ANO10: variants seen among roughly 807,000 people sequenced by gnomAD.
ANO10 encodes the protein anoctamin-10.
Under a neutral mutation model 74.7 loss-of-function variants are expected in ANO10, and 77 were observed. The observed-to-expected ratio is 1.03, with a 90% CI of 0.86 to 1.25. ANO10 has a LOEUF of 1.25. Ranked by LOEUF, ANO10 falls within the 50% of genes most tolerant of loss-of-function variation. The pLI is 0.00. For synonymous variants in ANO10, 279 were observed against 284.9 expected (o/e 0.98, Z 0.21); for missense variants, 721 against 778.1 (o/e 0.93, Z 0.87).
At chr3:43,669,029 T>C (rs913546539) in intron 1 of ANO10, among the ~76,000 whole-genome samples, 12 of 152,170 alleles carry the variant, frequency 7.9e-5, no homozygotes, top group African/African-American at 2.7e-4. Flanking sequence ...AAGTGTTCTA[T>C]AGTCCTATGA....
At chr3:43,509,921 G>A (rs2077446878) in intron 11 of ANO10, among the ~76,000 whole-genome samples, 3 of 152,138 alleles carry the variant, frequency 2.0e-5, no homozygotes, top group Admixed American at 2.0e-4. Flanking sequence ...CCAGGGAACT[G>A]TGCTGAAGGA....
At chr3:43,540,907 T>G (rs766989626) in intron 11 of ANO10, among the ~76,000 whole-genome samples, 1 of 152,228 alleles carries the variant, frequency 6.6e-6, no homozygotes, top group Non-Finnish European at 1.5e-5. Context: ...AAATATGTAT[T>G]CAATGTAAGC....
At chr3:43,431,299 C>T (rs1559537092) in intron 12 of ANO10, among the ~76,000 whole-genome samples, 2 of 152,034 alleles carry the variant, frequency 1.3e-5, no homozygotes, top group Non-Finnish European at 2.9e-5. Flanking sequence ...TCTTAAACTC[C>T]TGGGCTCAAG....
intron 11 of ANO10, among the ~76,000 whole-genome samples, chr3:43,539,990 A>G (rs2078886222): frequency 6.6e-6 from 1 of 152,200 alleles, no homozygotes; most frequent in Non-Finnish European, 1.5e-5. Context: ...TAACTAAGTC[A>G]TATTTAAACA....
chr3:43,555,642 C>A (rs148784241), intron 9 of ANO10, among the ~76,000 whole-genome samples, 173 bp from the exon 10 acceptor site: 30 of 152,334 alleles, frequency 2.0e-4, no homozygotes, highest in Admixed American at 3.9e-4. Flanking sequence ...GATCATCCCA[C>A]ACACATGCAA....
chr3:43,635,119 C>T (rs1192139718), intron 1 of ANO10, among the ~76,000 whole-genome samples: 1 of 152,058 alleles, frequency 6.6e-6, no homozygotes, highest in Non-Finnish European at 1.5e-5. Flanking sequence ...AATGTTACTG[C>T]CAGTTATGTC....
intron 11 of ANO10, among the ~76,000 whole-genome samples, chr3:43,441,533 G>T (rs1481734117): frequency 1.3e-5 from 2 of 151,854 alleles, no homozygotes; most frequent in Admixed American, 6.6e-5. Flanking sequence ...TACCAACAAA[G>T]AAAAGCCCAG....
At position 43,485,042 on chromosome 3, in the gene ANO10, A is replaced by T. The variant is rs937269221; in HGVS notation, c.1798-52315T>A. The T allele has an allele frequency of 4.3e-6, 6 of 1,409,232 alleles. No individual in the cohort carries two copies. The African/African-American group carries it at 8.5e-5, about 20-fold the overall frequency. The allele number at this position is 1,409,232 out of a possible 1,614,324, so 87.3% of individuals were successfully genotyped here. Reference sequence around the variant, plus strand: ...CTGACGGCTCAGGACCCGGTGGGGCAGCAGGAACTTGATCTTGGAGTCGTG... The same window carrying T: ...CTGACGGCTCAGGACCCGGTGGGGCTGCAGGAACTTGATCTTGGAGTCGTG... On this transcript the variant is annotated intron_variant, in intron 11 of 12. Transcript: ENST00000292246.
chr3:43,442,681 T>A (rs1328476244), intron 11 of ANO10, among the ~76,000 whole-genome samples: 1 of 152,154 alleles, frequency 6.6e-6, no homozygotes, highest in Non-Finnish European at 1.5e-5. Context: ...TCCAACAGGG[T>A]CAGCAAACTT....
At chr3:43,477,644 G>A (rs1035377144) in intron 11 of ANO10, among the ~76,000 whole-genome samples, 4 of 152,200 alleles carry the variant, frequency 2.6e-5, no homozygotes, top group Non-Finnish European at 5.9e-5. Context: ...CTCAGAGCAG[G>A]AGGGAATAGC....
At chr3:43,467,927 C>T (rs1168093731) in intron 11 of ANO10, among the ~76,000 whole-genome samples, 1 of 152,138 alleles carries the variant, frequency 6.6e-6, no homozygotes, top group East Asian at 1.9e-4. Flanking sequence ...CAATTTATAG[C>T]TATGAAACTA....
intron 1 of ANO10, among the ~76,000 whole-genome samples, chr3:43,669,013 TA>T (rs2084024480): frequency 6.6e-6 from 1 of 152,204 alleles, no homozygotes; most frequent in South Asian, 2.1e-4. Flanking sequence ...CATTTATAAC[TA>T]ATCCAAGTGT....
At chr3:43,519,490 T>C (rs148840240) in intron 11 of ANO10, among the ~76,000 whole-genome samples, 63 of 152,330 alleles carry the variant, frequency 4.1e-4, no homozygotes, top group African/African-American at 1.4e-3. Context: ...AATCCTCTGG[T>C]TGCAATGGGG....
chr3:43,583,182 C>G (rs1013630465), intron 4 of ANO10, among the ~76,000 whole-genome samples: 7 of 151,730 alleles, frequency 4.6e-5, no homozygotes, highest in Non-Finnish European at 8.8e-5. Context: ...TTCTCTTCAT[C>G]AGTGCCAAAG....
intron 11 of ANO10, among the ~76,000 whole-genome samples, chr3:43,492,266 T>C (rs1036557997): frequency 2.0e-5 from 3 of 152,154 alleles, no homozygotes; most frequent in Non-Finnish European, 4.4e-5. Flanking sequence ...GACCCCTTCC[T>C]TACACCTTAT....
Position 43,402,458 on chromosome 3 carries a change from G to A in ANO10, c.1914+30153C>T, listed in dbSNP as rs72863671. ...TACTTTGCATATTTTAAAACATTAT[G>A]TTCATTGTAGAGTTGCCTGCCCAGG... is the stretch of plus-strand genomic sequence containing the variant. On this transcript the variant is annotated intron_variant, in intron 12 of 12. Transcript: ENST00000292246. Among the ~76,000 whole-genome samples, 890 of 152,256 alleles carry A rather than the reference G, an allele frequency of 5.8e-3. 7 individuals carry two copies. The highest frequency in any genetic ancestry group is 0.019 in the African/African-American group (807 of 41,548).
chr3:43,431,733 T>A (rs2092984722), intron 12 of ANO10, among the ~76,000 whole-genome samples: 1 of 151,938 alleles, frequency 6.6e-6, no homozygotes, highest in Admixed American at 6.6e-5. Context: ...TCTTCTGGAG[T>A]CACCCTGCCT....
chr3:43,683,119 T>C (rs1305953032), intron 1 of ANO10, among the ~76,000 whole-genome samples: 2 of 152,110 alleles, frequency 1.3e-5, no homozygotes, highest in African/African-American at 4.8e-5. Flanking sequence ...GGTATTCAAT[T>C]AGGAAAAGAG....
At chr3:43,417,032 G>C (rs947317615) in intron 12 of ANO10, among the ~76,000 whole-genome samples, 5 of 152,192 alleles carry the variant, frequency 3.3e-5, no homozygotes, top group East Asian at 1.9e-4. Context: ...GCTGTGCTAG[G>C]CACCTTCACA....
Sources: gnomAD v4.1 joint callset for allele counts (sites outside exome capture counted in the v4.1 genomes callset) on GRCh38, gnomAD v4.1.1 for gene constraint, MANE v1.5 for transcripts, NCBI Gene and HGNC (gene_info 2026-07-23, HGNC 2026-07-21) for gene names.